Variants in RAB30 observed in about 807,000 individuals in gnomAD.
RAB30 encodes the protein ras-related protein Rab-30.
Under a neutral mutation model 25.1 loss-of-function variants are expected in RAB30, and 9 were observed. The ratio of observed to expected loss-of-function variants is 0.36; its 90% confidence interval spans 0.22 to 0.63. The LOEUF (loss-of-function observed/expected upper bound fraction) is 0.63, where lower values mean the gene tolerates loss of function less well. Among genes scored for constraint, RAB30 ranks in the 20% least tolerant of loss-of-function variants. RAB30 has a pLI of 0.69. For synonymous variants in RAB30, 77 were observed against 86.4 expected (o/e 0.89, Z 0.60); for missense variants, 140 against 243.5 (o/e 0.58, Z 2.83).
chr11:82,987,710 G>A lies in RAB30; in HGVS notation c.238C>T (p.Arg80Ter), dbSNP rs867394561. 1.9e-6 allele frequency: 3 copies of A among 1,613,238 alleles called. No homozygotes were observed. Among genetic ancestry groups the A allele is most frequent in the Non-Finnish European group, 1.7e-6 (2 of 1,179,438 alleles). ...GTGAGGATCAAGGCATTGGCGCTTC[G>A]GTAGTAACTCTGGGTAATGGACCGA... ...RFRSITQSYYRSANALILTYD... is the reference protein window; with the variant it reads ...RFRSITQSYY The change falls in exon 4 of 5, where the codon CGA becomes TGA. Residue 80 changes from arginine to a stop codon, truncating the protein, a stop_gained. Coordinates refer to ENST00000527633, the MANE Select transcript of RAB30 (RefSeq NM_001286060.2). LOFTEE classifies it high-confidence loss of function.
In RAB30 at chr11:82,981,908, T is replaced by C; in HGVS notation, c.*257A>G. On this transcript the variant is annotated 3_prime_UTR_variant, in exon 5 of 5. Transcript: ENST00000527633. ...GCTTTTTAAAAAAACAAAAGCAACATGCTCTGCAGATCATGGAGTGCCTAG... is the reference window on the plus strand; with the variant it reads ...GCTTTTTAAAAAAACAAAAGCAACACGCTCTGCAGATCATGGAGTGCCTAG... The C allele has an allele frequency of 2.1e-6, 1 of 487,784 alleles. No individual in the cohort carries two copies. The highest frequency in any genetic ancestry group is 3.7e-6 in the Non-Finnish European group (1 of 271,790). 30.2% of individuals were successfully genotyped at this position (487,784 alleles called of 1,614,324 possible).
At chr11:82,996,802 G>A (rs535571745) in intron 2 of RAB30, among the ~76,000 whole-genome samples, 1 of 152,328 alleles carries the variant, frequency 6.6e-6, no homozygotes, top group South Asian at 2.1e-4. Flanking sequence ...ATGTAAGGGG[G>A]CATAGGCAGA....
chr11:83,018,320 AT>A (rs1445036824), intron 1 of RAB30, among the ~76,000 whole-genome samples: 4 of 149,044 alleles, frequency 2.7e-5, no homozygotes, highest in Non-Finnish European at 5.9e-5. Flanking sequence ...AAAAAAAAAA[AT>A]GTTTCCTTTC....
chr11:83,006,084 T>C (rs1480178699), intron 1 of RAB30, among the ~76,000 whole-genome samples: 1 of 152,192 alleles, frequency 6.6e-6, no homozygotes, highest in African/African-American at 2.4e-5. Context: ...GTTTATCCTG[T>C]ACTGGTGACA....
chr11:83,000,793 C>A (rs1857061768), intron 1 of RAB30, among the ~76,000 whole-genome samples: 1 of 152,036 alleles, frequency 6.6e-6, no homozygotes, highest in African/African-American at 2.4e-5. Flanking sequence ...GTGGCTCACG[C>A]CTGTAATCCC....
chr11:83,040,757 T>A (rs1253239983), intron 1 of RAB30: 2 of 153,432 alleles, frequency 1.3e-5, no homozygotes, highest in African/African-American at 4.8e-5. Context: ...AAGTAGGATT[T>A]ATTGGTGGGC....
At chr11:83,039,535 C>T (rs911591588) in intron 1 of RAB30, among the ~76,000 whole-genome samples, 8 of 152,044 alleles carry the variant, frequency 5.3e-5, no homozygotes, top group African/African-American at 1.2e-4. Context: ...AAAAATTAGT[C>T]GGCTGTGGTG....
At chr11:83,008,161 G>T (rs1857227007) in intron 1 of RAB30, among the ~76,000 whole-genome samples, 1 of 152,174 alleles carries the variant, frequency 6.6e-6, no homozygotes, top group Non-Finnish European at 1.5e-5. Flanking sequence ...AAGCAGCCTG[G>T]CCAGGGAGCC....
chr11:82,976,726 A>G lies in RAB30; in HGVS notation c.*5439T>C, dbSNP rs1230986269. The G allele has an allele frequency of 6.6e-6, 1 of 152,166 alleles. No homozygotes were observed. The highest frequency in any genetic ancestry group is 2.4e-5 in the African/African-American group (1 of 41,446). The allele number at this position is 152,166 out of a possible 1,614,324, so 9.4% of individuals were successfully genotyped here. A position where few individuals can be genotyped will look rare whatever the true frequency, so the allele number is the denominator to read the frequency against. On this transcript the variant is annotated 3_prime_UTR_variant, in exon 5 of 5. Coordinates refer to ENST00000527633, the MANE Select transcript of RAB30 (RefSeq NM_001286060.2). ...TTTAAGACCAATGACTTAAAAAAAC[A>G]AAACAAAACCATAAAAAAAGACCAA...
chr11:83,012,728 C>G (rs534450750), intron 1 of RAB30, among the ~76,000 whole-genome samples: 1 of 152,192 alleles, frequency 6.6e-6, no homozygotes, highest in South Asian at 2.1e-4. Flanking sequence ...TTAGGTGCTG[C>G]TACTGTTATT....
chr11:83,037,547 G>A (rs1306524942), intron 1 of RAB30, among the ~76,000 whole-genome samples: 1 of 152,166 alleles, frequency 6.6e-6, no homozygotes, highest in Non-Finnish European at 1.5e-5. Context: ...ACTGGACCCA[G>A]CCGAATGAAT....
chr11:83,005,964 C>T (rs1310387479), intron 1 of RAB30, among the ~76,000 whole-genome samples: 1 of 150,540 alleles, frequency 6.6e-6, no homozygotes, highest in African/African-American at 2.5e-5. Context: ...TTTTAAAAAA[C>T]TGATCAATCT....
intron 1 of RAB30, among the ~76,000 whole-genome samples, chr11:83,042,491 T>C (rs577635215): frequency 4.0e-5 from 6 of 151,882 alleles, no homozygotes; most frequent in African/African-American, 1.4e-4. Context: ...GAGGCAGAGG[T>C]TGCAGTGAGC....
At chr11:83,001,352 T>A (rs1028672482) in intron 1 of RAB30, among the ~76,000 whole-genome samples, 2 of 152,012 alleles carry the variant, frequency 1.3e-5, no homozygotes, top group Non-Finnish European at 2.9e-5. Flanking sequence ...ATTTTTTAAA[T>A]TTTTTTTGTA....
At chr11:82,988,603 A>G (rs1327851367) in intron 3 of RAB30, among the ~76,000 whole-genome samples, 2 of 152,214 alleles carry the variant, frequency 1.3e-5, no homozygotes, top group Non-Finnish European at 2.9e-5. Context: ...GCAGTTATCT[A>G]CCAGTTCTAA....
intron 1 of RAB30, among the ~76,000 whole-genome samples, chr11:83,047,002 G>A (rs761078918): frequency 2.6e-5 from 4 of 151,996 alleles, no homozygotes; most frequent in South Asian, 2.1e-4. Flanking sequence ...GTGTGATTCC[G>A]GCTCTTCACG....
In RAB30 at chr11:82,979,289, T is replaced by C. The variant is rs979170314; in HGVS notation, c.*2876A>G. 5 of 152,196 alleles carry C rather than the reference T, an allele frequency of 3.3e-5. No individual in the cohort carries two copies. Among genetic ancestry groups the C allele is most frequent in the Non-Finnish European group, 5.9e-5 (4 of 68,042 alleles). The allele number at this position is 152,196 out of a possible 1,614,324, so 9.4% of individuals were successfully genotyped here. The stretch of plus-strand genomic sequence containing the variant: ...AAAGTTTTGCCATATATTTAATAAC[T>C]TTATTGAATGAAGAAAAAGATCACA... On this transcript the variant is annotated 3_prime_UTR_variant, in exon 5 of 5. Transcript: ENST00000527633.
intron 1 of RAB30, among the ~76,000 whole-genome samples, chr11:83,047,328 C>A (rs1858255263): frequency 6.6e-6 from 1 of 152,188 alleles, no homozygotes; most frequent in African/African-American, 2.4e-5. Context: ...ATCCCCTGAA[C>A]AAACCCCTTG....
intron 1 of RAB30, among the ~76,000 whole-genome samples, chr11:83,049,722 A>T (rs564953104): frequency 2.0e-5 from 3 of 152,100 alleles, no homozygotes; most frequent in Non-Finnish European, 4.4e-5. Context: ...TTTTGAAGGT[A>T]AAGTTCAATA....
Sources: allele counts gnomAD v4.1 joint callset (sites outside exome capture counted in the v4.1 genomes callset), GRCh38; gene constraint gnomAD v4.1.1; transcripts MANE v1.5; gene names NCBI Gene and HGNC (gene_info 2026-07-23, HGNC 2026-07-21).